The following SNX8 variants were observed in gnomAD, a reference collection of about 807,000 sequenced individuals.
The protein encoded by SNX8 is sorting nexin-8.
In SNX8, 25 loss-of-function variants were observed where a neutral mutation model predicts 51.6. That is an observed-to-expected ratio of 0.48 (90% confidence interval 0.35 to 0.68). The LOEUF (loss-of-function observed/expected upper bound fraction) is 0.68. Ranked by LOEUF, SNX8 falls within the 30% of genes least tolerant of loss-of-function variation. The probability of loss-of-function intolerance (pLI) is 0.00; values close to 1 mark genes in which losing one functional copy is unlikely to be tolerated. For missense variants in SNX8, 695 were observed against 624.0 expected (o/e 1.11, Z -1.21); for synonymous variants, 324 against 277.0 (o/e 1.17, Z -1.68).
intron 2 of SNX8, among the ~76,000 whole-genome samples, chr7:2,276,026 T>C (rs1584690222): frequency 6.7e-6 from 1 of 149,978 alleles, no homozygotes; most frequent in Non-Finnish European, 1.5e-5. Flanking sequence ...AAACAAATGG[T>C]ATGAAGCATA....
At chr7:2,320,709 G>A (rs1796817879) in intron 1 of SNX8, among the ~76,000 whole-genome samples, 1 of 152,068 alleles carries the variant, frequency 6.6e-6, no homozygotes, top group African/African-American at 2.4e-5. Context: ...GGATGACAGA[G>A]TGAGGCTCTG....
intron 1 of SNX8, among the ~76,000 whole-genome samples, chr7:2,322,860 TA>T (rs60879648): frequency 0.52 from 77,790 of 148,580 alleles, 20,472 homozygotes; most frequent in South Asian, 0.59. Context: ...CTACTAAAAA[TA>T]AAAAAAAAAT....
chr7:2,254,758 G>A lies in SNX8; in HGVS notation c.*298C>T, dbSNP rs1795133296. ...GCTCCCCCAGGCACAATCTCTGTGA[G>A]ATGAGAGATCCCTGCCTCCCCGCAC... is the stretch of plus-strand genomic sequence containing the variant. On this transcript the variant is annotated 3_prime_UTR_variant, in exon 11 of 11. Transcript: ENST00000222990. 2.2e-6 allele frequency: 1 copy of A among 455,564 alleles called. No individual in the cohort carries two copies. The highest frequency in any genetic ancestry group is 4.0e-6 in the Non-Finnish European group (1 of 250,376). 28.2% of individuals were successfully genotyped at this position (455,564 alleles called of 1,614,324 possible).
intron 1 of SNX8, among the ~76,000 whole-genome samples, chr7:2,337,997 C>T (rs1436162504): frequency 1.3e-5 from 2 of 152,064 alleles, no homozygotes; most frequent in Admixed American, 6.6e-5. Context: ...AAGGATCTAG[C>T]TAAAGCAAGA....
Position 2,268,789 on chromosome 7 carries a change from G to A in SNX8, c.621+770C>T, listed in dbSNP as rs1451649555. On this transcript the variant is annotated intron_variant, in intron 5 of 10. Coordinates refer to ENST00000222990, the MANE Select transcript of SNX8 (RefSeq NM_013321.4). ...CGGGAGGTGAGGGGCGCCTCTGCCC[G>A]GCCGCCCCTACTGGGAAGTGAGGAG... is the stretch of plus-strand genomic sequence containing the variant. Among the ~76,000 whole-genome samples, 4 of 18,130 alleles carry A rather than the reference G, an allele frequency of 2.2e-4. 1 individual carries two copies. The highest frequency in any genetic ancestry group is 4.9e-4 in the African/African-American group (4 of 8,150). 11.9% of individuals were successfully genotyped at this position (18,130 alleles called of 152,430 possible).
At position 2,257,395 on chromosome 7, in the gene SNX8, G is replaced by A. The variant is rs754650251; in HGVS notation, c.1104C>T (p.Ser368=). The A allele has an allele frequency of 3.7e-5, 60 of 1,609,798 alleles. No individual in the cohort carries two copies. The East Asian group carries it at 1.3e-3, about 35-fold the overall frequency. The change falls in exon 9 of 11, where the codon TCC becomes TCT. Residue 368 remains serine, a synonymous_variant. Transcript: ENST00000222990. ...SATAQNREPE[S]VEQLESRIVE... Reference sequence around the variant, plus strand: ...CAATGCGGGACTCCAGCTGCTCCACGGACTCCGGCTCGCGGTTCTGCGCGG... The same window carrying A: ...CAATGCGGGACTCCAGCTGCTCCACAGACTCCGGCTCGCGGTTCTGCGCGG...
chr7:2,326,655 C>CGAG (rs1778627513), intron 1 of SNX8, among the ~76,000 whole-genome samples: 2 of 151,526 alleles, frequency 1.3e-5, no homozygotes, highest in East Asian at 3.9e-4. Flanking sequence ...GACAGAGTCT[C>CGAG]ACTCCATCTC....
intron 1 of SNX8, among the ~76,000 whole-genome samples, chr7:2,328,251 C>T (rs1778663535): frequency 6.6e-6 from 1 of 152,006 alleles, no homozygotes; most frequent in Non-Finnish European, 1.5e-5. Context: ...AGGGGTTTCT[C>T]CACGCTGGCC....
intron 4 of SNX8, 45 bp downstream of exon 4, chr7:2,271,805 G>T: frequency 6.4e-7 from 1 of 1,561,962 alleles, no homozygotes; most frequent in South Asian, 1.2e-5. Flanking sequence ...CCGGAGGCTC[G>T]GGGACTCCCC....
chr7:2,352,535 T>A (rs570756746), intron 1 of SNX8, among the ~76,000 whole-genome samples: 1 of 152,072 alleles, frequency 6.6e-6, no homozygotes, highest in Admixed American at 6.6e-5. Flanking sequence ...AGCATGCATA[T>A]GTAGAAAAAA....
intron 1 of SNX8, among the ~76,000 whole-genome samples, chr7:2,286,264 G>T (rs188126394): frequency 2.0e-5 from 3 of 149,374 alleles, no homozygotes; most frequent in African/African-American, 7.4e-5. Flanking sequence ...CGCCTGCCTC[G>T]GCCTCCCAAA....
chr7:2,309,870 G>A, intron 1 of SNX8: 1 of 471,118 alleles, frequency 2.1e-6, no homozygotes, highest in South Asian at 1.5e-5. Context: ...AGTCGCCCAG[G>A]CAAGAGGGGA....
At chr7:2,305,670 G>A (rs1796529224) in intron 1 of SNX8, among the ~76,000 whole-genome samples, 1 of 151,662 alleles carries the variant, frequency 6.6e-6, no homozygotes, top group African/African-American at 2.4e-5. Context: ...GGCCTGTATT[G>A]TATTATTTTG....
At chr7:2,255,565 C>A (rs1163945571) in intron 10 of SNX8, among the ~76,000 whole-genome samples, 1 of 152,222 alleles carries the variant, frequency 6.6e-6, no homozygotes, top group Non-Finnish European at 1.5e-5. Flanking sequence ...CACGGACACC[C>A]TGTCTCCACA....
intron 1 of SNX8, among the ~76,000 whole-genome samples, chr7:2,283,143 A>C (rs1218665741): frequency 1.3e-5 from 2 of 151,830 alleles, no homozygotes; most frequent in Admixed American, 6.6e-5. Context: ...AGAAACAAAC[A>C]AACAGGATTT....
At chr7:2,256,563 C>A (rs1156314701) in intron 10 of SNX8, among the ~76,000 whole-genome samples, 1 of 152,258 alleles carries the variant, frequency 6.6e-6, no homozygotes, top group East Asian at 1.9e-4. Context: ...AACCTTCTCT[C>A]AGCCGCAGGG....
At chr7:2,284,537 AG>A (rs372093682) in intron 1 of SNX8, among the ~76,000 whole-genome samples, 2 of 150,538 alleles carry the variant, frequency 1.3e-5, no homozygotes, top group African/African-American at 4.9e-5. Flanking sequence ...ACTGAGTAGC[AG>A]GGACTACAGG....
intron 5 of SNX8, among the ~76,000 whole-genome samples, chr7:2,268,105 G>C (rs891428830): frequency 2.7e-5 from 4 of 147,462 alleles, no homozygotes; most frequent in Middle Eastern, 3.8e-3. Flanking sequence ...GCCCCGTCCG[G>C]GAGGGAGGTG....
At chr7:2,353,252 T>C (rs1000572141) in intron 1 of SNX8, among the ~76,000 whole-genome samples, 1 of 151,660 alleles carries the variant, frequency 6.6e-6, no homozygotes, top group Non-Finnish European at 1.5e-5. Flanking sequence ...TGCGCGGTGG[T>C]TCACGCTTGT....
Sources: allele counts gnomAD v4.1 joint callset (sites outside exome capture counted in the v4.1 genomes callset), GRCh38; gene constraint gnomAD v4.1.1; transcripts MANE v1.5; gene names NCBI Gene and HGNC (gene_info 2026-07-23, HGNC 2026-07-21).